The following SKP2 variants were observed in gnomAD, a reference collection of about 807,000 sequenced individuals.
SKP2 encodes the protein S-phase kinase associated protein 2.
SKP2 carries 16 observed loss-of-function variants against 51.8 expected under a neutral mutation model. The observed-to-expected ratio is 0.31, with a 90% CI of 0.21 to 0.47. The LOEUF (loss-of-function observed/expected upper bound fraction) is 0.47, where lower values mean the gene tolerates loss of function less well. Ranked by LOEUF, SKP2 falls within the 20% of genes least tolerant of loss-of-function variation. The probability of loss-of-function intolerance (pLI) is 1.00; values close to 1 mark genes in which losing one functional copy is unlikely to be tolerated. For synonymous variants in SKP2, 176 were observed against 198.6 expected (o/e 0.89, Z 0.96); for missense variants, 377 against 505.3 (o/e 0.75, Z 2.43).
intron 6 of SKP2, among the ~76,000 whole-genome samples, chr5:36,189,534 G>A (rs565206856): frequency 9.2e-5 from 14 of 152,296 alleles, no homozygotes; most frequent in South Asian, 6.2e-4. Context: ...GCAGAACAGC[G>A]AATATTGCTG....
chr5:36,188,567 T>C (rs1041144093), downstream of SKP2, among the ~76,000 whole-genome samples: 1 of 152,222 alleles, frequency 6.6e-6, no homozygotes, highest in Non-Finnish European at 1.5e-5. Flanking sequence ...CCCCACTCTC[T>C]TCTGGCTTGT....
At position 36,180,312 on chromosome 5, in the gene SKP2, C is replaced by T. The variant is rs777125694; in HGVS notation, c.1062-1506C>T. ...ATCGTAAGTGATTAAGTATAAGTAT[C>T]TGTGTATACTGTGATCTTACTTCGA... On this transcript the variant is annotated intron_variant, in intron 9 of 9. Coordinates refer to ENST00000274255, the MANE Select transcript of SKP2 (RefSeq NM_005983.4). 9 of 1,203,718 alleles carry T rather than the reference C, an allele frequency of 7.5e-6. No individual in the cohort carries two copies. In the East Asian group the frequency reaches 3.8e-4, roughly 50 times the overall value. 74.6% of individuals were successfully genotyped at this position (1,203,718 alleles called of 1,614,324 possible).
chr5:36,178,077 G>T (rs1745691619), intron 9 of SKP2, among the ~76,000 whole-genome samples: 1 of 152,088 alleles, frequency 6.6e-6, no homozygotes, highest in African/African-American at 2.4e-5. Flanking sequence ...TGTTTGAAAA[G>T]GTTTTCTGCA....
At chr5:36,191,392 CTT>C (rs201765544) in intron 6 of SKP2, among the ~76,000 whole-genome samples, 75 of 122,002 alleles carry the variant, frequency 6.1e-4, no homozygotes, top group Middle Eastern at 8.5e-3. Context: ...TCATCAAGTT[CTT>C]TTTTTTTTTT....
intron 6 of SKP2, among the ~76,000 whole-genome samples, chr5:36,189,740 T>C (rs993164716): frequency 6.6e-6 from 1 of 152,162 alleles, no homozygotes; most frequent in African/African-American, 2.4e-5. Flanking sequence ...ACTACTCTCT[T>C]CAAAGCTGTC....
At position 36,182,785 on chromosome 5, in the gene SKP2, G is replaced by A. The variant is rs945781633; in HGVS notation, c.*754G>A. On this transcript the variant is annotated 3_prime_UTR_variant, in exon 10 of 10. Coordinates refer to ENST00000274255, the MANE Select transcript of SKP2 (RefSeq NM_005983.4). ...TCTAAATTAGATGAGAAATATAATT[G>A]TGGTTTTCTAACTTGATAATCAAAT... 2.1e-6 allele frequency: 2 copies of A among 974,416 alleles called. No homozygotes were observed. The highest frequency in any genetic ancestry group is 2.4e-6 in the Non-Finnish European group (2 of 820,150). 60.4% of individuals were successfully genotyped at this position (974,416 alleles called of 1,614,324 possible).
intron 2 of SKP2, among the ~76,000 whole-genome samples, chr5:36,162,677 A>G (rs1745159599): frequency 6.6e-6 from 1 of 152,220 alleles, no homozygotes. Context: ...TTAAGAAATG[A>G]CAATACCCTT....
chr5:36,193,009 G>A (rs192949008), intron 7 of SKP2: 2 of 152,234 alleles, frequency 1.3e-5, no homozygotes, highest in East Asian at 3.9e-4. Context: ...TCACAGAGCA[G>A]AAATGTTAGA....
chr5:36,183,716 T>G lies in SKP2; in HGVS notation c.*1685T>G. 7.5e-7 allele frequency: 1 copy of G among 1,329,668 alleles called. No homozygotes were observed. Among genetic ancestry groups the G allele is most frequent in the Non-Finnish European group, 9.7e-7 (1 of 1,033,608 alleles). The allele number at this position is 1,329,668 out of a possible 1,614,324, so 82.4% of individuals were successfully genotyped here. A position where few individuals can be genotyped will look rare whatever the true frequency, so the allele number is the denominator to read the frequency against. ...AATTGTTAATGTTAGAAACATACTA[T>G]GAAGTGCCTTTATCTGCTTAGACCT... On this transcript the variant is annotated 3_prime_UTR_variant, in exon 10 of 10. Coordinates refer to ENST00000274255, the MANE Select transcript of SKP2 (RefSeq NM_005983.4).
At chr5:36,153,386 G>A (rs1199135110) in intron 2 of SKP2, among the ~76,000 whole-genome samples, 1 of 152,068 alleles carries the variant, frequency 6.6e-6, no homozygotes, top group Admixed American at 6.5e-5. Context: ...TCTTCTTGTA[G>A]GATTCCTTTT....
At chr5:36,162,836 G>A (rs1222579994) in intron 2 of SKP2, among the ~76,000 whole-genome samples, 1 of 152,138 alleles carries the variant, frequency 6.6e-6, no homozygotes, top group African/African-American at 2.4e-5. Flanking sequence ...AGCCTGGCTG[G>A]GGAGGCCTCA....
intron 2 of SKP2, among the ~76,000 whole-genome samples, chr5:36,156,990 A>G: frequency 6.6e-6 from 1 of 152,070 alleles, no homozygotes; most frequent in South Asian, 2.1e-4. Flanking sequence ...CTGAAACAGC[A>G]GTTTTACAAA....
chr5:36,158,782 G>C (rs1254955764), intron 2 of SKP2, among the ~76,000 whole-genome samples: 4 of 152,148 alleles, frequency 2.6e-5, no homozygotes, highest in Non-Finnish European at 4.4e-5. Context: ...GCCACTTACT[G>C]ATTGTGTGAC....
chr5:36,164,874 CAT>C (rs1329134326), intron 3 of SKP2, among the ~76,000 whole-genome samples: 1 of 152,190 alleles, frequency 6.6e-6, no homozygotes, highest in Non-Finnish European at 1.5e-5. Context: ...CTATCATTAA[CAT>C]ATTCATTATC....
intron 2 of SKP2, among the ~76,000 whole-genome samples, chr5:36,161,795 T>C (rs1745128412): frequency 6.6e-6 from 1 of 152,150 alleles, no homozygotes; most frequent in Non-Finnish European, 1.5e-5. Context: ...AAGGACATGC[T>C]CAGTAAAGAC....
In SKP2 at chr5:36,181,831, A is replaced by G; in HGVS notation, c.1075A>G (p.Ile359Val). ...IPETLLELGE[I>V]PTLKTLQVFG... is the part of the protein sequence containing the mutation. ...CTTCCTTTCCAGTGAACTTGGAGAA[A>G]TTCCCACACTAAAAACACTACAAGT... is the stretch of plus-strand genomic sequence containing the variant. Residue 359 changes from isoleucine (I) to valine (V), a missense_variant, in exon 10 of 10, where the codon ATT becomes GTT. Physicochemically the swap from Ile to Val is conservative, Grantham distance 29 (BLOSUM62 3). Around this residue, in one of 2 missense-constraint regions of SKP2, gnomAD observed 262 missense variants for 389.8 expected, o/e 0.67. Coordinates refer to ENST00000274255, the MANE Select transcript of SKP2 (RefSeq NM_005983.4). 6.2e-7 allele frequency: 1 copy of G among 1,613,788 alleles called. No individual in the cohort carries two copies. The highest frequency in any genetic ancestry group is 8.5e-7 in the Non-Finnish European group (1 of 1,179,684).
rs1745904066 is a variant in SKP2 at position 36,184,045 on chromosome 5, A to C, written c.*2014A>C. On this transcript the variant is annotated 3_prime_UTR_variant, in exon 10 of 10. Transcript: ENST00000274255. ...TTTATAAAAATGAGTGCTTAAACTA[A>C]GTTGTATTCCTTTTTTCTTTCTCTT... is the stretch of plus-strand genomic sequence containing the variant. 1 of 1,078,166 alleles carries C rather than the reference A, an allele frequency of 9.3e-7. No homozygotes were observed. The highest frequency in any genetic ancestry group is 1.4e-6 in the Non-Finnish European group (1 of 730,294). The allele number at this position is 1,078,166 out of a possible 1,614,324, so 66.8% of individuals were successfully genotyped here. A position where few individuals can be genotyped will look rare whatever the true frequency, so the allele number is the denominator to read the frequency against.
At chr5:36,184,615 G>A (rs1745923761), downstream of SKP2, among the ~76,000 whole-genome samples, 1 of 152,138 alleles carries the variant, frequency 6.6e-6, no homozygotes, top group South Asian at 2.1e-4. Flanking sequence ...TGGCTGCATA[G>A]TGTTCCATGG....
At chr5:36,193,043 ATAAG>A (rs972443346) in intron 7 of SKP2, 1 of 152,220 alleles carries the variant, frequency 6.6e-6, no homozygotes, top group African/African-American at 2.4e-5. Flanking sequence ...ATGGAGCACA[ATAAG>A]TATTTTTAAA....
Sources: allele counts gnomAD v4.1 joint callset (sites outside exome capture counted in the v4.1 genomes callset), GRCh38; gene constraint gnomAD v4.1.1; regional missense constraint gnomAD v4.1.1; transcripts MANE v1.5; gene names NCBI Gene and HGNC (gene_info 2026-07-23, HGNC 2026-07-21).